The following FHIT variants were observed in gnomAD, a reference collection of about 807,000 sequenced individuals.
The protein encoded by FHIT is bis(5'-adenosyl)-triphosphatase.
FHIT carries 19 observed loss-of-function variants against 17.9 expected under a neutral mutation model. The ratio of observed to expected loss-of-function variants is 1.06; its 90% CI spans 0.74 to 1.56. FHIT has a LOEUF of 1.56. Ranked by LOEUF, FHIT falls within the 40% of genes most tolerant of loss-of-function variation. FHIT has a pLI of 0.00. For synonymous variants in FHIT, 81 were observed against 69.7 expected (o/e 1.16, Z -0.81); for missense variants, 248 against 189.2 (o/e 1.31, Z -1.82).
intron 5 of FHIT, among the ~76,000 whole-genome samples, chr3:60,124,065 G>GAGAGAGAGAGAGAGAGAGAGAC (rs1553691058): frequency 9.2e-6 from 1 of 108,272 alleles, no homozygotes. Flanking sequence ...GACAGAGAGA[G>GAGAGAGAGAGAGAGAGAGAGAC]AGAGAGATAC....
At chr3:59,752,432 A>C in intron 8 of FHIT, 111 bp from the exon 9 acceptor site, 1 of 636,988 alleles carries the variant, frequency 1.6e-6, no homozygotes. Context: ...AGAGGCCAGT[A>C]GGTGTATCTT....
At chr3:60,117,862 A>C (rs1260425008) in intron 5 of FHIT, among the ~76,000 whole-genome samples, 1 of 152,158 alleles carries the variant, frequency 6.6e-6, no homozygotes, top group African/African-American at 2.4e-5. Context: ...AGGAAGAAAG[A>C]CCACCAACTG....
At chr3:60,447,330 T>C (rs1046737311) in intron 5 of FHIT, among the ~76,000 whole-genome samples, 9 of 152,144 alleles carry the variant, frequency 5.9e-5, no homozygotes, top group Non-Finnish European at 1.5e-5. Context: ...ATATAATTAC[T>C]TCCCCAAGAA....
In FHIT at chr3:60,210,992, T is replaced by A. The variant is rs1205872789; in HGVS notation, c.104-196840A>T. Among the ~76,000 whole-genome samples the A allele has an allele frequency of 6.6e-5, 7 of 105,500 alleles. No homozygotes were observed. The East Asian group carries it at 1.6e-3, about 24-fold the overall frequency. 69.2% of individuals were successfully genotyped at this position (105,500 alleles called of 152,430 possible). ...ATTTAAAATAACAAGAGATTGAAAA[T>A]AAAAATGTTTATAAATAGGGGATGG... is the stretch of plus-strand genomic sequence containing the variant. On this transcript the variant is annotated intron_variant, in intron 5 of 9. Coordinates refer to ENST00000492590, the MANE Select transcript of FHIT (RefSeq NM_002012.4).
At chr3:60,528,438 AAAGGAAGG>A (rs888687377) in intron 5 of FHIT, among the ~76,000 whole-genome samples, 1 of 129,812 alleles carries the variant, frequency 7.7e-6, no homozygotes, top group Non-Finnish European at 1.5e-5. Context: ...AGGAAGGAAA[AAAGGAAGG>A]AAGGAAGGAA....
chr3:60,129,924 G>C (rs891933728), intron 5 of FHIT, among the ~76,000 whole-genome samples: 4 of 151,970 alleles, frequency 2.6e-5, no homozygotes, highest in African/African-American at 9.7e-5. Flanking sequence ...TTTCCACACT[G>C]TGTCTGTTTT....
intron 8 of FHIT, among the ~76,000 whole-genome samples, chr3:59,905,841 A>G (rs1204908266): frequency 6.6e-6 from 1 of 152,224 alleles, no homozygotes; most frequent in East Asian, 1.9e-4. Flanking sequence ...TATCATAGGT[A>G]AGTTTCTATA....
At chr3:60,885,098 C>A (rs1288295267) in intron 3 of FHIT, among the ~76,000 whole-genome samples, 1 of 151,744 alleles carries the variant, frequency 6.6e-6, no homozygotes, top group African/African-American at 2.4e-5. Flanking sequence ...AAAAAGACAG[C>A]TAGATAGAAG....
chr3:60,479,996 T>C (rs2033533928), intron 5 of FHIT, among the ~76,000 whole-genome samples: 1 of 152,178 alleles, frequency 6.6e-6, no homozygotes, highest in Non-Finnish European at 1.5e-5. Flanking sequence ...TTAGTCCATT[T>C]TCACAATGCA....
At chr3:60,813,528 A>G (rs1553736661) in intron 4 of FHIT, among the ~76,000 whole-genome samples, 1 of 152,172 alleles carries the variant, frequency 6.6e-6, no homozygotes, top group East Asian at 1.9e-4. Context: ...TTAAACATAT[A>G]CAACGCATTA....
chr3:60,746,654 G>C (rs910821611), intron 4 of FHIT, among the ~76,000 whole-genome samples: 1 of 152,158 alleles, frequency 6.6e-6, no homozygotes, highest in Non-Finnish European at 1.5e-5. Flanking sequence ...GCACAAGGAG[G>C]GGCCAGAAGG....
At chr3:60,579,266 T>C (rs1399122584) in intron 4 of FHIT, among the ~76,000 whole-genome samples, 1 of 152,198 alleles carries the variant, frequency 6.6e-6, no homozygotes, top group Admixed American at 6.5e-5. Context: ...CTATTGCTTT[T>C]AGGCAACAAT....
intron 5 of FHIT, among the ~76,000 whole-genome samples, chr3:60,296,688 C>T (rs1708227910): frequency 6.6e-6 from 1 of 151,942 alleles, no homozygotes; most frequent in South Asian, 2.1e-4. Flanking sequence ...CCTTTTATGG[C>T]TCATGCATTT....
chr3:59,856,528 TCA>T (rs1279428313), intron 8 of FHIT, among the ~76,000 whole-genome samples: 2 of 152,200 alleles, frequency 1.3e-5, no homozygotes, highest in South Asian at 2.1e-4. Context: ...CAGCCTTCTC[TCA>T]CAAAGGAATA....
intron 5 of FHIT, among the ~76,000 whole-genome samples, chr3:60,033,068 C>T (rs1231272847): frequency 6.6e-6 from 1 of 152,122 alleles, no homozygotes; most frequent in African/African-American, 2.4e-5. Context: ...TAAAACAGCA[C>T]TAAAACAAAT....
rs150863945 is a variant in FHIT at position 60,374,260 on chromosome 3, G to A, written c.103+162600C>T. Among the ~76,000 whole-genome samples, 734 of 152,140 alleles carry A rather than the reference G, an allele frequency of 4.8e-3. 11 individuals are homozygous for A. Among genetic ancestry groups the A allele is most frequent in the Non-Finnish European group, 4.0e-3 (270 of 67,990 alleles). On this transcript the variant is annotated intron_variant, in intron 5 of 9. Transcript: ENST00000492590. ...TCCTGATCATTTTAAAAGACCCACT[G>A]AGAATGTGTGCCAGGCAAAATAGTC...
chr3:61,010,607 A>T (rs888499968), intron 3 of FHIT, among the ~76,000 whole-genome samples: 1 of 152,216 alleles, frequency 6.6e-6, no homozygotes, highest in East Asian at 1.9e-4. Context: ...CCTGATGGCC[A>T]AGGAAGATAC....
At chr3:59,771,476 C>T (rs145333966) in intron 8 of FHIT, among the ~76,000 whole-genome samples, 68 of 152,280 alleles carry the variant, frequency 4.5e-4, no homozygotes, top group African/African-American at 1.5e-3. Context: ...TCATTGAGGG[C>T]CTATTACATT....
rs1700666548 is a variant in FHIT at position 59,747,388 on chromosome 3, G to A, written c.*2197C>T. Among the ~76,000 whole-genome samples the A allele has an allele frequency of 6.6e-6, 1 of 152,064 alleles. No homozygotes were observed. Among genetic ancestry groups the A allele is most frequent in the Non-Finnish European group, 1.5e-5 (1 of 67,996 alleles). On this transcript the variant is annotated 3_prime_UTR_variant, in exon 10 of 10. Coordinates refer to ENST00000492590, the MANE Select transcript of FHIT (RefSeq NM_002012.4). ...GCAAGACAGCGTATTCAGGGGAAATGTCCTTTATAAAACCATCACTATCAA... is the reference window on the plus strand; with the variant it reads ...GCAAGACAGCGTATTCAGGGGAAATATCCTTTATAAAACCATCACTATCAA...
Sources: gnomAD v4.1 joint callset for allele counts (sites outside exome capture counted in the v4.1 genomes callset) on GRCh38, gnomAD v4.1.1 for gene constraint, MANE v1.5 for transcripts, NCBI Gene and HGNC (gene_info 2026-07-23, HGNC 2026-07-21) for gene names.